Variants in DDX39B observed in about 807,000 individuals in gnomAD.
DDX39B encodes the protein DExD-box helicase 39B.
A neutral mutation model predicts 46.4 loss-of-function variants in DDX39B; 6 were observed. The observed-to-expected ratio is 0.13, with a 90% CI of 0.07 to 0.26. The LOEUF is 0.26. DDX39B is among the 10% of genes least tolerant of loss of function. The pLI is 1.00. For synonymous variants in DDX39B, 174 were observed against 199.4 expected, an observed-to-expected ratio of 0.87 and a Z score of 1.07; for missense variants, 185 against 553.4, an observed-to-expected ratio of 0.33 and a Z score of 6.68.
In DDX39B at chr6:31,535,436, C is replaced by T. The variant is rs1324903357; in HGVS notation, c.666G>A (p.Lys222=). 3.1e-6 allele frequency: 5 copies of T among 1,613,226 alleles called. No homozygotes were observed. The highest frequency in any genetic ancestry group is 2.2e-5 in the East Asian group (1 of 44,896). Residue 222 remains lysine, a synonymous_variant, in exon 6 of 11, where the codon AAG becomes AAA. Coordinates refer to ENST00000396172, the MANE Select transcript of DDX39B (RefSeq NM_004640.7). This position sits in a 1 kb window ranked among gnomAD's most constrained non-coding sequence, Gnocchi z 4.6. The part of the protein sequence containing the change: ...QEIFRMTPHE[K]QVMMFSATLS... ...AGGTAGCACTGAACATCATGACCTG[C>T]TTCTCGTGGGGGGTCATGCGAAAAA...
chr6:31,537,652 A>G (rs1384227948), intron 4 of DDX39B, among the ~76,000 whole-genome samples: 1 of 152,228 alleles, frequency 6.6e-6, no homozygotes, highest in Admixed American at 6.5e-5. Flanking sequence ...ACAGTATCAA[A>G]TAACACCAGA....
chr6:31,532,267 C>T lies in DDX39B; in HGVS notation c.867+513G>A, dbSNP rs142535182. On this transcript the variant is annotated intron_variant, in intron 7 of 10. Coordinates refer to ENST00000396172, the MANE Select transcript of DDX39B (RefSeq NM_004640.7). ...CTTCAAGGACTTTTGGAGACAAGAT[C>T]TCACTCTGTTGCCCAAGCTGGAGCA... is the stretch of plus-strand genomic sequence containing the variant. 69 of 153,988 alleles carry T rather than the reference C, an allele frequency of 4.5e-4. 1 individual carries two copies. Among genetic ancestry groups the T allele is most frequent in the Admixed American group, 4.4e-3 (69 of 15,712 alleles). 9.5% of individuals were successfully genotyped at this position (153,988 alleles called of 1,614,324 possible). A position where few individuals can be genotyped will look rare whatever the true frequency, so the allele number is the denominator to read the frequency against.
chr6:31,532,473 C>CA (rs1466062226), intron 7 of DDX39B: 1 of 272,716 alleles, frequency 3.7e-6, no homozygotes, highest in Non-Finnish European at 7.2e-6. Context: ...CTCCTGGACT[C>CA]AAGTGATCCA....
chr6:31,540,562 G>A lies in DDX39B; in HGVS notation c.-30C>T, dbSNP rs1487913854. 38 of 1,611,746 alleles carry A rather than the reference G, an allele frequency of 2.4e-5. No homozygotes were observed. The highest frequency in any genetic ancestry group is 3.1e-5 in the Non-Finnish European group (37 of 1,178,846). ...GGGCCGGCAGGGGAAGAAGGGAAGGGGGATCTGGATGGGTTCTCGCAAAAT... is the reference window on the plus strand; with the variant it reads ...GGGCCGGCAGGGGAAGAAGGGAAGGAGGATCTGGATGGGTTCTCGCAAAAT... On this transcript the variant is annotated 5_prime_UTR_variant, in exon 2 of 11. Transcript: ENST00000396172.
intron 1 of DDX39B, chr6:31,541,019 A>G: frequency 8.5e-6 from 4 of 472,202 alleles, no homozygotes; most frequent in South Asian, 4.6e-5. Context: ...AATGGAGATG[A>G]CAAGTAGAGT....
intron 2 of DDX39B, among the ~76,000 whole-genome samples, chr6:31,540,057 C>T (rs35340190): frequency 0.013 from 2,025 of 152,282 alleles, 14 homozygotes; most frequent in South Asian, 0.045. Context: ...GAAGCCTCAA[C>T]CTTCACCTGC....
Position 31,534,515 on chromosome 6 carries a change from A to G in DDX39B, c.735+852T>C. ...CCTATGTCCCTCTCCTCTGAGTATT[A>G]AAAAAAACAAAAAAATTTTTTTAAG... On this transcript the variant is annotated intron_variant, in intron 6 of 10. Transcript: ENST00000396172. This position sits in a 1 kb window ranked among gnomAD's most constrained non-coding sequence, Gnocchi z 5.1. 2.1e-6 allele frequency: 1 copy of G among 469,094 alleles called. No homozygotes were observed. The highest frequency in any genetic ancestry group is 4.4e-6 in the Non-Finnish European group (1 of 226,490). 29.1% of individuals were successfully genotyped at this position (469,094 alleles called of 1,614,324 possible).
Position 31,540,669 on chromosome 6 carries a change from AG to A in DDX39B, c.-132-6del, listed in dbSNP as rs1177552804. Reference sequence around the variant, plus strand: ...ATACTATTTCTAACAGAAGAGCTGGAGGGGGGAAAAAAAAAAGCAAGACTTA... The same window carrying A: ...ATACTATTTCTAACAGAAGAGCTGGAGGGGGAAAAAAAAAAGCAAGACTTA... On this transcript the variant is annotated splice_region_variant and splice_polypyrimidine_tract_variant and intron_variant, in intron 1 of 10. Transcript: ENST00000396172. 7.9e-5 allele frequency: 55 copies of A among 697,942 alleles called. No homozygotes were observed. The highest frequency in any genetic ancestry group is 4.0e-4 in the Middle Eastern group (1 of 2,504). 43.2% of individuals were successfully genotyped at this position (697,942 alleles called of 1,614,324 possible). A position where few individuals can be genotyped will look rare whatever the true frequency, so the allele number is the denominator to read the frequency against.
chr6:31,541,928 T>C, intron 1 of DDX39B, 22 bp downstream of exon 1: 2 of 646,086 alleles, frequency 3.1e-6, no homozygotes, highest in Non-Finnish European at 5.7e-6. Context: ...GGAAACGGAT[T>C]GTAGCGAAGG....
At chr6:31,537,299 A>G (rs1351525819) in intron 4 of DDX39B, among the ~76,000 whole-genome samples, 1 of 151,960 alleles carries the variant, frequency 6.6e-6, no homozygotes, top group African/African-American at 2.4e-5. Flanking sequence ...ACTAAAAAAC[A>G]AAAAATACAA....
Position 31,534,250 on chromosome 6 carries a change from T to G in DDX39B, c.735+1117A>C. 1 of 246,658 alleles carries G rather than the reference T, an allele frequency of 4.1e-6. No homozygotes were observed. Among genetic ancestry groups the G allele is most frequent in the East Asian group, 1.1e-4 (1 of 9,192 alleles). The allele number at this position is 246,658 out of a possible 1,614,324, so 15.3% of individuals were successfully genotyped here. ...CCTGGGCTCAAGCAATCCTCCCACC[T>G]TGGCCTCCCAAAGTGCTGGGATTAG... On this transcript the variant is annotated intron_variant, in intron 6 of 10. Coordinates refer to ENST00000396172, the MANE Select transcript of DDX39B (RefSeq NM_004640.7). This position sits in a 1 kb window ranked among gnomAD's most constrained non-coding sequence, Gnocchi z 5.1.
chr6:31,541,997 GAAATCTGCCTTC>G, exon 1 of DDX39B: 1 of 681,108 alleles, frequency 1.5e-6, no homozygotes, highest in East Asian at 2.7e-5. Context: ...ACGAAGGAGG[GAAATCTGCCTTC>G]ACTTCCGGTT....
At chr6:31,533,229 A>G (rs369383995) in intron 6 of DDX39B, 62 of 289,394 alleles carry the variant, frequency 2.1e-4, no homozygotes, top group African/African-American at 1.3e-3. Context: ...TAGAGGTGGG[A>G]GAGGAAAGAA....
Position 31,540,639 on chromosome 6 carries a change from C to G in DDX39B, c.-107G>C, listed in dbSNP as rs961324131. ...GGGATTGAGGAACAGCAAAGGAAAA[C>G]AAAGATACTATTTCTAACAGAAGAG... On this transcript the variant is annotated 5_prime_UTR_variant, in exon 2 of 11. Coordinates refer to ENST00000396172, the MANE Select transcript of DDX39B (RefSeq NM_004640.7). 1 of 1,022,334 alleles carries G rather than the reference C, an allele frequency of 9.8e-7. No individual in the cohort carries two copies. The highest frequency in any genetic ancestry group is 1.4e-6 in the Non-Finnish European group (1 of 689,978). 63.3% of individuals were successfully genotyped at this position (1,022,334 alleles called of 1,614,324 possible).
At chr6:31,536,305 A>T in intron 5 of DDX39B, 195 bp downstream of exon 5, 1 of 827,592 alleles carries the variant, frequency 1.2e-6, no homozygotes, top group Non-Finnish European at 2.0e-6. Context: ...AACAAAAATC[A>T]TAGAAAGATG....
chr6:31,531,491 T>G lies in DDX39B; in HGVS notation c.868-86A>C. 1 of 1,129,622 alleles carries G rather than the reference T, an allele frequency of 8.9e-7. No homozygotes were observed. Among genetic ancestry groups the G allele is most frequent in the East Asian group, 2.4e-5 (1 of 41,674 alleles). The allele number at this position is 1,129,622 out of a possible 1,614,324, so 70.0% of individuals were successfully genotyped here. A position where few individuals can be genotyped will look rare whatever the true frequency, so the allele number is the denominator to read the frequency against. Reference sequence around the variant, plus strand: ...AGACATTACGTGGGAGAGGGGAGTTTCTAGTAATTACGTTCTCAGGAATTC... The same window carrying G: ...AGACATTACGTGGGAGAGGGGAGTTGCTAGTAATTACGTTCTCAGGAATTC... On this transcript the variant is annotated intron_variant, in intron 7 of 10. Coordinates refer to ENST00000396172, the MANE Select transcript of DDX39B (RefSeq NM_004640.7). The surrounding 1 kb of genome is among the most constrained non-coding windows in gnomAD (Gnocchi z 5.8).
chr6:31,541,873 G>GT, intron 1 of DDX39B, 77 bp downstream of exon 1: 1 of 636,204 alleles, frequency 1.6e-6, no homozygotes. Context: ...TGTGAAAAGG[G>GT]TATCAGGAAC....
At chr6:31,532,519 C>T in intron 7 of DDX39B, 1 of 380,486 alleles carries the variant, frequency 2.6e-6, no homozygotes, top group Non-Finnish European at 4.9e-6. Flanking sequence ...GGATTACACA[C>T]ATAAGCCACC....
chr6:31,538,960 T>G (rs1041720596), intron 3 of DDX39B, 105 bp from the exon 4 acceptor site: 10 of 1,481,954 alleles, frequency 6.7e-6, no homozygotes, highest in Non-Finnish European at 8.5e-6. Flanking sequence ...AATAAATGAC[T>G]TCAATTATGT....
Sources: allele counts gnomAD v4.1 joint callset (sites outside exome capture counted in the v4.1 genomes callset), GRCh38; gene constraint gnomAD v4.1.1; non-coding constraint Gnocchi (gnomAD v3.1); transcripts MANE v1.5; gene names NCBI Gene and HGNC (gene_info 2026-07-23, HGNC 2026-07-21).